The following EXOC4 variants were observed in gnomAD, a reference collection of about 807,000 sequenced individuals.
EXOC4 encodes SEC8-like 1.
Under a neutral mutation model 107.2 loss-of-function variants are expected in EXOC4, and 71 were observed. The ratio of observed to expected loss-of-function variants is 0.66; its 90% CI spans 0.55 to 0.81. EXOC4 has a LOEUF of 0.81. Ranked by LOEUF, EXOC4 falls within the 30% of genes least tolerant of loss-of-function variation. The pLI is 0.00. For missense variants in EXOC4, 1,108 were observed against 1,189.6 expected (o/e 0.93, Z 1.01); for synonymous variants, 456 against 441.2 (o/e 1.03, Z -0.42).
At chr7:134,010,665 G>C (rs974749432) in intron 17 of EXOC4, among the ~76,000 whole-genome samples, 1 of 152,200 alleles carries the variant, frequency 6.6e-6, no homozygotes, top group African/African-American at 2.4e-5. Context: ...AGCATGGACA[G>C]CATCTGTATT....
intron 10 of EXOC4, among the ~76,000 whole-genome samples, chr7:133,752,502 A>T (rs1342658934): frequency 1.3e-5 from 2 of 152,134 alleles, no homozygotes; most frequent in Non-Finnish European, 2.9e-5. Flanking sequence ...TTGATTCAGG[A>T]TATGCATTGA....
intron 17 of EXOC4, among the ~76,000 whole-genome samples, chr7:134,029,232 A>G (rs1795212944): frequency 6.6e-6 from 1 of 152,202 alleles, no homozygotes; most frequent in African/African-American, 2.4e-5. Flanking sequence ...GTCTTTCCCT[A>G]TAACTTTTAT....
At chr7:133,596,491 CGTTT>C (rs1801677919) in intron 9 of EXOC4, among the ~76,000 whole-genome samples, 1 of 152,126 alleles carries the variant, frequency 6.6e-6, no homozygotes, top group Non-Finnish European at 1.5e-5. Flanking sequence ...TGTTTATAAT[CGTTT>C]GTTTGTTGTG....
At chr7:133,304,810 A>C (rs556549819) in intron 3 of EXOC4, among the ~76,000 whole-genome samples, 6 of 152,338 alleles carry the variant, frequency 3.9e-5, no homozygotes, top group African/African-American at 1.2e-4. Flanking sequence ...AAGTATTATT[A>C]GTTATTTCCT....
intron 5 of EXOC4, among the ~76,000 whole-genome samples, chr7:133,336,279 C>T (rs1472303189): frequency 6.6e-6 from 1 of 152,066 alleles, no homozygotes; most frequent in Non-Finnish European, 1.5e-5. Context: ...GTGAGGCCTA[C>T]CCCCCTGTGT....
At chr7:133,942,736 G>A (rs1004112177) in intron 14 of EXOC4, among the ~76,000 whole-genome samples, 3 of 152,012 alleles carry the variant, frequency 2.0e-5, no homozygotes, top group Non-Finnish European at 2.9e-5. Context: ...CAGCAGGGTT[G>A]GCATATTTTG....
chr7:133,862,073 T>A (rs1322398547), intron 11 of EXOC4, among the ~76,000 whole-genome samples: 1 of 152,150 alleles, frequency 6.6e-6, no homozygotes, highest in Non-Finnish European at 1.5e-5. Context: ...GCAGTTGCTG[T>A]GTACCTAGCT....
At chr7:133,990,490 C>T (rs993983451) in intron 14 of EXOC4, among the ~76,000 whole-genome samples, 1 of 152,088 alleles carries the variant, frequency 6.6e-6, no homozygotes, top group Non-Finnish European at 1.5e-5. Flanking sequence ...CACTCTGTAG[C>T]CCAGGCTGGA....
intron 7 of EXOC4, among the ~76,000 whole-genome samples, chr7:133,383,207 G>T (rs1796656801): frequency 1.3e-5 from 2 of 152,128 alleles, no homozygotes; most frequent in Admixed American, 1.3e-4. Context: ...ATTCTGCATA[G>T]CAAAGGAAGA....
intron 3 of EXOC4, among the ~76,000 whole-genome samples, chr7:133,292,813 C>T (rs1185294400): frequency 6.6e-6 from 1 of 152,180 alleles, no homozygotes; most frequent in Non-Finnish European, 1.5e-5. Context: ...GTAGCTCATA[C>T]AGTCAGAGTT....
At chr7:133,321,479 C>T (rs1175917367) in intron 5 of EXOC4, among the ~76,000 whole-genome samples, 1 of 152,090 alleles carries the variant, frequency 6.6e-6, no homozygotes, top group Admixed American at 6.5e-5. Context: ...TCCATATGTT[C>T]TCATTGTTCA....
At chr7:133,814,504 C>A (rs1797316553) in intron 10 of EXOC4, among the ~76,000 whole-genome samples, 1 of 152,158 alleles carries the variant, frequency 6.6e-6, no homozygotes, top group South Asian at 2.1e-4. Context: ...TAGATGATCA[C>A]ATCCATATTT....
intron 9 of EXOC4, among the ~76,000 whole-genome samples, chr7:133,564,382 AC>A (rs1800866675): frequency 6.6e-6 from 1 of 152,036 alleles, no homozygotes; most frequent in Non-Finnish European, 1.5e-5. Flanking sequence ...GGAGAAATCC[AC>A]CCCTACGATC....
chr7:133,648,361 G>A (rs968072176), intron 10 of EXOC4, among the ~76,000 whole-genome samples: 3 of 152,132 alleles, frequency 2.0e-5, no homozygotes, highest in African/African-American at 7.2e-5. Context: ...ACTGTCTTCT[G>A]GAGAGCATAC....
At chr7:134,054,773 C>T (rs1212154301) in intron 17 of EXOC4, among the ~76,000 whole-genome samples, 3 of 152,334 alleles carry the variant, frequency 2.0e-5, no homozygotes, top group East Asian at 1.9e-4. Flanking sequence ...CATTCAAATA[C>T]GTATCAGCCA....
At chr7:133,644,476 A>G (rs1352845367) in intron 10 of EXOC4, among the ~76,000 whole-genome samples, 1 of 152,242 alleles carries the variant, frequency 6.6e-6, no homozygotes. Flanking sequence ...TGTAAAGTAT[A>G]TAATAGCATT....
chr7:133,399,453 C>T (rs1011762732), intron 7 of EXOC4, among the ~76,000 whole-genome samples: 3 of 152,192 alleles, frequency 2.0e-5, no homozygotes, highest in African/African-American at 2.4e-5. Context: ...TTTGAGTGCG[C>T]GATTCTGTCT....
Position 133,306,165 on chromosome 7 carries a change from A to G in EXOC4, c.656+104A>G, listed in dbSNP as rs1584796026. The G allele has an allele frequency of 8.5e-6, 8 of 943,182 alleles. No homozygotes were observed. In the East Asian group the frequency reaches 2.2e-4, roughly 26 times the overall value. The allele number at this position is 943,182 out of a possible 1,614,324, so 58.4% of individuals were successfully genotyped here. A position where few individuals can be genotyped will look rare whatever the true frequency, so the allele number is the denominator to read the frequency against. ...TTGTAATTTATTTTACTTTTCCTTT[A>G]ATGGACTGTCTCTGAAACTTGAAGA... On this transcript the variant is annotated intron_variant, in intron 4 of 17. Coordinates refer to ENST00000253861, the MANE Select transcript of EXOC4 (RefSeq NM_021807.4).
intron 7 of EXOC4, among the ~76,000 whole-genome samples, chr7:133,464,427 G>A (rs1360646984): frequency 6.6e-6 from 1 of 152,152 alleles, no homozygotes; most frequent in African/African-American, 2.4e-5. Flanking sequence ...TTCTAAGGCA[G>A]GCACATGAAT....
Sources: gnomAD v4.1 joint callset for allele counts (sites outside exome capture counted in the v4.1 genomes callset) on GRCh38, gnomAD v4.1.1 for gene constraint, MANE v1.5 for transcripts, NCBI Gene and HGNC (gene_info 2026-07-23, HGNC 2026-07-21) for gene names.